Variants in CSMD2 observed in about 807,000 individuals in gnomAD.
The protein encoded by CSMD2 is CUB and sushi domain-containing protein 2.
Under a neutral mutation model 398.5 loss-of-function variants are expected in CSMD2, and 130 were observed. That is an observed-to-expected ratio of 0.33 (90% CI 0.28 to 0.38). CSMD2 has a LOEUF of 0.38. Ranked by LOEUF, CSMD2 falls within the 10% of genes least tolerant of loss-of-function variation. CSMD2 has a pLI of 1.00. For missense variants in CSMD2, 3,829 were observed against 4,764.9 expected (o/e 0.80, Z 5.78); for synonymous variants, 1,828 against 1,908.5 (o/e 0.96, Z 1.10).
At chr1:33,809,840 T>A (rs1656653381) in intron 10 of CSMD2, among the ~76,000 whole-genome samples, 1 of 152,044 alleles carries the variant, frequency 6.6e-6, no homozygotes, top group African/African-American at 2.4e-5. Context: ...AAGTACAAAA[T>A]CAATTGCATT....
chr1:34,127,151 C>T (rs764728498), intron 1 of CSMD2, among the ~76,000 whole-genome samples: 29 of 152,086 alleles, frequency 1.9e-4, no homozygotes, highest in Non-Finnish European at 3.4e-4. Context: ...CAAGAAGCCA[C>T]GCACAGCTTC....
rs1646452545 is a variant in CSMD2, at chr1:33,724,284, T to C, written c.2914A>G (p.Ser972Gly). The C allele has an allele frequency of 2.5e-6, 4 of 1,613,972 alleles. No individual in the cohort carries two copies. Among genetic ancestry groups the C allele is most frequent in the Non-Finnish European group, 2.5e-6 (3 of 1,179,924 alleles). ...AACCCTGGCGACAAGATGGTCCCACTGGAGCCTTGAATGAAGCCACCACAG... is the reference window on the plus strand; with the variant it reads ...AACCCTGGCGACAAGATGGTCCCACCGGAGCCTTGAATGAAGCCACCACAG... ...ALCGGFIQGSSGTILSPGFPD... is the reference protein window; with the variant it reads ...ALCGGFIQGSGGTILSPGFPD... Residue 972 changes from serine (S) to glycine (G), a missense_variant, in exon 19 of 71, where the codon AGT becomes GGT. Ser to Gly is a moderately conservative substitution (Grantham distance 56). Coordinates refer to ENST00000373381, the MANE Select transcript of CSMD2 (RefSeq NM_001281956.2).
chr1:33,976,379 C>G, intron 3 of CSMD2, among the ~76,000 whole-genome samples: 1 of 152,206 alleles, frequency 6.6e-6, no homozygotes, highest in East Asian at 1.9e-4. Flanking sequence ...GGATTCCCAG[C>G]CTAGGGTGTA....
chr1:33,777,836 G>C lies in CSMD2; in HGVS notation c.1664-5085C>G, dbSNP rs191057872. On this transcript the variant is annotated intron_variant, in intron 12 of 70. Transcript: ENST00000373381. ...TGATCAATCTCACTCTTCTCCCCAG[G>C]TTTTTCCATTTCTAATACCAAATTG... 6.6e-5 allele frequency among the ~76,000 whole-genome samples: 10 copies of C among 152,190 alleles called. No homozygotes were observed. The East Asian group carries it at 1.9e-3, about 29-fold the overall frequency.
chr1:34,061,170 C>T (rs1414141313), intron 2 of CSMD2, among the ~76,000 whole-genome samples: 1 of 152,172 alleles, frequency 6.6e-6, no homozygotes, highest in Non-Finnish European at 1.5e-5. Flanking sequence ...ACGGTTGCTG[C>T]TAAATATCCT....
At chr1:34,054,389 G>A (rs1469302210) in intron 2 of CSMD2, among the ~76,000 whole-genome samples, 1 of 152,114 alleles carries the variant, frequency 6.6e-6, no homozygotes, top group Admixed American at 6.5e-5. Context: ...AGACAGGCAT[G>A]AGTGAACTTT....
chr1:33,533,289 C>G lies in CSMD2; in HGVS notation c.9992-60G>C. The G allele has an allele frequency of 1.4e-6, 2 of 1,448,238 alleles. No individual in the cohort carries two copies. Among genetic ancestry groups the G allele is most frequent in the African/African-American group, 1.4e-5 (1 of 71,402 alleles). 89.7% of individuals were successfully genotyped at this position (1,448,238 alleles called of 1,614,324 possible). Reference sequence around the variant, plus strand: ...AGATTAGGGGCTTCAGGGGCCCTTTCGACCATTCCCCTGTTCCTAGATAGA... The same window carrying G: ...AGATTAGGGGCTTCAGGGGCCCTTTGGACCATTCCCCTGTTCCTAGATAGA... On this transcript the variant is annotated intron_variant, in intron 63 of 70. Transcript: ENST00000373381. The surrounding 1 kb of genome is among the most constrained non-coding windows in gnomAD (Gnocchi z 4.2).
chr1:34,040,873 C>T (rs1651768153), intron 2 of CSMD2, among the ~76,000 whole-genome samples: 1 of 152,060 alleles, frequency 6.6e-6, no homozygotes, highest in Non-Finnish European at 1.5e-5. Flanking sequence ...GCCTGTAATC[C>T]CAACATTTTG....
In CSMD2 at chr1:33,658,011, G is replaced by A. The variant is rs1644004502; in HGVS notation, c.4382C>T (p.Ala1461Val). 1 of 1,614,208 alleles carries A rather than the reference G, an allele frequency of 6.2e-7. No homozygotes were observed. Among genetic ancestry groups the A allele is most frequent in the Non-Finnish European group, 8.5e-7 (1 of 1,180,034 alleles). Residue 1461 changes from alanine to valine, a missense_variant, in exon 27 of 71, where the codon GCA becomes GTA. Physicochemically the swap from Ala to Val is moderately conservative, Grantham distance 64. Transcript: ENST00000373381. ...CTCGATCTTCACACAGCTGATCTCT[G>A]CACTTCCCTGCAGCGCGTAGCCAGG... is the stretch of plus-strand genomic sequence containing the variant. ...CDPGYALQGS[A>V]EISCVKIENR...
intron 3 of CSMD2, among the ~76,000 whole-genome samples, chr1:33,936,698 C>A (rs1644491707): frequency 6.6e-6 from 1 of 152,208 alleles, no homozygotes; most frequent in Non-Finnish European, 1.5e-5. Flanking sequence ...GGAGGGAGGA[C>A]ACAGATTCTC....
chr1:33,738,227 G>A (rs1055667751), intron 15 of CSMD2, among the ~76,000 whole-genome samples: 1 of 152,174 alleles, frequency 6.6e-6, no homozygotes, highest in Non-Finnish European at 1.5e-5. Context: ...CATGAAATGT[G>A]AGAAGAAGGT....
intron 15 of CSMD2, among the ~76,000 whole-genome samples, chr1:33,735,478 C>T (rs1569592967): frequency 6.6e-6 from 1 of 152,306 alleles, no homozygotes; most frequent in South Asian, 2.1e-4. Flanking sequence ...TCTGATTTTA[C>T]ACCTAAGGGA....
intron 9 of CSMD2, among the ~76,000 whole-genome samples, chr1:33,813,820 A>G (rs1296052459): frequency 6.6e-6 from 1 of 151,688 alleles, no homozygotes; most frequent in African/African-American, 2.4e-5. Flanking sequence ...CTCCCTCCCA[A>G]CCCTTTCCAC....
intron 20 of CSMD2, 88 bp from the exon 21 acceptor site, chr1:33,714,863 G>A: frequency 2.3e-6 from 3 of 1,319,982 alleles, no homozygotes; most frequent in Non-Finnish European, 3.2e-6. Context: ...AAACACCAGG[G>A]GGAAAGGGCC....
At chr1:34,014,763 T>C (rs1647848998) in intron 3 of CSMD2, among the ~76,000 whole-genome samples, 1 of 152,254 alleles carries the variant, frequency 6.6e-6, no homozygotes, top group African/African-American at 2.4e-5. Context: ...TATGAATGGA[T>C]GGATGGGTAG....
intron 55 of CSMD2, among the ~76,000 whole-genome samples, chr1:33,554,497 TGAA>T (rs1657775506): frequency 1.3e-5 from 2 of 152,144 alleles, no homozygotes; most frequent in Non-Finnish European, 2.9e-5. Flanking sequence ...GCCTTCTATT[TGAA>T]GAAGATGCCA....
At chr1:33,939,003 C>T (rs575784238) in intron 3 of CSMD2, among the ~76,000 whole-genome samples, 6 of 150,906 alleles carry the variant, frequency 4.0e-5, no homozygotes, top group South Asian at 2.1e-4. Flanking sequence ...GCTTACTTGG[C>T]GTTTCCCGTG....
In CSMD2 at chr1:33,636,257, G is replaced by A. The variant is rs1642794567; in HGVS notation, c.4969+103C>T. 8.5e-7 allele frequency: 1 copy of A among 1,172,856 alleles called. No individual in the cohort carries two copies. Among genetic ancestry groups the A allele is most frequent in the Non-Finnish European group, 1.2e-6 (1 of 839,572 alleles). The allele number at this position is 1,172,856 out of a possible 1,614,324, so 72.7% of individuals were successfully genotyped here. On this transcript the variant is annotated intron_variant, in intron 30 of 70. Coordinates refer to ENST00000373381, the MANE Select transcript of CSMD2 (RefSeq NM_001281956.2). The surrounding 1 kb of genome is among the most constrained non-coding windows in gnomAD (Gnocchi z 4.8). ...AGGTTTGCCAGGCTTGGAGGAGCCG[G>A]GCTTGAGGACCTTGCCCCCCTCCCT...
intron 3 of CSMD2, among the ~76,000 whole-genome samples, chr1:33,985,852 C>A (rs1487507935): frequency 1.3e-5 from 2 of 152,072 alleles, no homozygotes; most frequent in East Asian, 3.9e-4. Context: ...ATCGCCCCAC[C>A]CTTAGAGGAA....
Sources: allele counts gnomAD v4.1 joint callset (sites outside exome capture counted in the v4.1 genomes callset), GRCh38; gene constraint gnomAD v4.1.1; non-coding constraint Gnocchi (gnomAD v3.1); transcripts MANE v1.5; gene names NCBI Gene and HGNC (gene_info 2026-07-23, HGNC 2026-07-21).